Variants in GULP1 observed in about 807,000 individuals in gnomAD.
GULP1 encodes PTB domain-containing engulfment adapter protein 1.
In GULP1, 19 loss-of-function variants were observed where a neutral mutation model predicts 40.9. The observed-to-expected ratio is 0.46, with a 90% CI of 0.32 to 0.68. GULP1 has a LOEUF of 0.68. GULP1 is among the 30% of genes least tolerant of loss of function. The pLI is 0.03. For synonymous variants in GULP1, 119 were observed against 117.6 expected (o/e 1.01, Z -0.08); for missense variants, 312 against 362.2 (o/e 0.86, Z 1.12).
In GULP1 at chr2:188,536,037, T is replaced by C. The variant is rs192379682; in HGVS notation, c.262-5144T>C. On this transcript the variant is annotated intron_variant, in intron 6 of 11. Transcript: ENST00000409830. ...CATGTCTTTTGCCCACTTTTTAATATGGTTATTTGTTTTTTGTTGGTTTAA... is the reference window on the plus strand; with the variant it reads ...CATGTCTTTTGCCCACTTTTTAATACGGTTATTTGTTTTTTGTTGGTTTAA... Among the ~76,000 whole-genome samples, 7 of 151,954 alleles carry C rather than the reference T, an allele frequency of 4.6e-5. No individual in the cohort carries two copies. In the South Asian group the frequency reaches 1.2e-3, roughly 27 times the overall value.
intron 2 of GULP1, among the ~76,000 whole-genome samples, chr2:188,471,656 A>G (rs2060603457): frequency 6.6e-6 from 1 of 152,220 alleles, no homozygotes; most frequent in Non-Finnish European, 1.5e-5. Flanking sequence ...AAAATAAATG[A>G]AATAAAAACT....
chr2:188,307,631 G>A (rs1302449194), intron 1 of GULP1, among the ~76,000 whole-genome samples: 1 of 152,080 alleles, frequency 6.6e-6, no homozygotes, highest in Non-Finnish European at 1.5e-5. Flanking sequence ...GAATACTGGA[G>A]TTTAGTATAA....
At chr2:188,490,210 G>T (rs1460592853) in intron 4 of GULP1, among the ~76,000 whole-genome samples, 1 of 151,992 alleles carries the variant, frequency 6.6e-6, no homozygotes, top group Non-Finnish European at 1.5e-5. Context: ...TCTTGATAAG[G>T]TCATTCAAGA....
intron 2 of GULP1, among the ~76,000 whole-genome samples, chr2:188,410,980 A>C (rs778115774): frequency 2.6e-5 from 4 of 152,218 alleles, no homozygotes; most frequent in Non-Finnish European, 4.4e-5. Context: ...TCATGTGGTC[A>C]TAAGACCTAC....
At chr2:188,460,159 G>C (rs2059584304) in intron 2 of GULP1, among the ~76,000 whole-genome samples, 1 of 152,028 alleles carries the variant, frequency 6.6e-6, no homozygotes, top group Non-Finnish European at 1.5e-5. Context: ...TTTTAGGATA[G>C]TTGTTTTCTA....
intron 7 of GULP1, among the ~76,000 whole-genome samples, chr2:188,556,409 CT>C (rs1412006033): frequency 5.3e-5 from 8 of 152,088 alleles, no homozygotes; most frequent in South Asian, 2.1e-4. Context: ...ACATATCTAT[CT>C]CTTCAGTATT....
intron 1 of GULP1, among the ~76,000 whole-genome samples, chr2:188,364,801 A>T (rs2046550473): frequency 6.7e-6 from 1 of 149,480 alleles, no homozygotes; most frequent in African/African-American, 2.4e-5. Context: ...TACATATCAT[A>T]TATACATAAA....
At chr2:188,385,510 C>T (rs1444518482) in intron 2 of GULP1, among the ~76,000 whole-genome samples, 1 of 152,178 alleles carries the variant, frequency 6.6e-6, no homozygotes, top group Non-Finnish European at 1.5e-5. Flanking sequence ...TGATGATTAA[C>T]ATTTGGCTCC....
chr2:188,556,752 G>A (rs1011686738), intron 7 of GULP1, among the ~76,000 whole-genome samples: 7 of 152,090 alleles, frequency 4.6e-5, no homozygotes, highest in African/African-American at 1.4e-4. Flanking sequence ...CTACTACCAC[G>A]TTGCTGGGCA....
At chr2:188,329,990 G>A (rs188420461) in intron 1 of GULP1, among the ~76,000 whole-genome samples, 230 of 152,192 alleles carry the variant, frequency 1.5e-3, no homozygotes, top group African/African-American at 3.6e-3. Context: ...TTTGAGATGC[G>A]CCAAAGTAGT....
chr2:188,531,202 G>A (rs947724293), intron 6 of GULP1, among the ~76,000 whole-genome samples: 1 of 152,152 alleles, frequency 6.6e-6, no homozygotes, highest in African/African-American at 2.4e-5. Context: ...TGCAATTAAA[G>A]AAGAAACCTA....
intron 11 of GULP1, chr2:188,591,908 C>T (rs1703637649): frequency 1.3e-5 from 2 of 151,764 alleles, no homozygotes; most frequent in South Asian, 4.2e-4. Flanking sequence ...GTGACGTTAG[C>T]TTATGATAAT....
Position 188,518,711 on chromosome 2 carries a change from C to G in GULP1, c.91-4045C>G, listed in dbSNP as rs150078697. ...ACTGAGCAGGCACCAGTTGTGTCCA[C>G]TAAACCCTAGTATCTTCCCCTAACA... On this transcript the variant is annotated intron_variant, in intron 4 of 11. Coordinates refer to ENST00000409830, the MANE Select transcript of GULP1 (RefSeq NM_016315.4). Among the ~76,000 whole-genome samples the G allele has an allele frequency of 6.7e-4, 102 of 152,248 alleles. 1 individual carries two copies. The highest frequency in any genetic ancestry group is 4.4e-3 in the South Asian group (21 of 4,820).
intron 9 of GULP1, among the ~76,000 whole-genome samples, chr2:188,575,125 G>A (rs1699911398): frequency 6.6e-6 from 1 of 152,102 alleles, no homozygotes; most frequent in African/African-American, 2.4e-5. Flanking sequence ...GTTCCCTCAA[G>A]GTTTTATGGT....
At chr2:188,519,439 G>A (rs557729977) in intron 4 of GULP1, among the ~76,000 whole-genome samples, 2 of 152,038 alleles carry the variant, frequency 1.3e-5, no homozygotes, top group African/African-American at 4.8e-5. Flanking sequence ...GTCTATTACT[G>A]ATAGACCAGA....
intron 1 of GULP1, among the ~76,000 whole-genome samples, chr2:188,340,443 G>T (rs1175735195): frequency 6.6e-6 from 1 of 152,156 alleles, no homozygotes; most frequent in Non-Finnish European, 1.5e-5. Context: ...ATGAGTGGGT[G>T]CAGGAGTTGG....
intron 9 of GULP1, among the ~76,000 whole-genome samples, chr2:188,582,849 A>C (rs1185167630): frequency 6.6e-6 from 1 of 152,202 alleles, no homozygotes; most frequent in Non-Finnish European, 1.5e-5. Context: ...CAATTTCAGC[A>C]GAGTTCAGTG....
chr2:188,594,107 A>G lies in GULP1; in HGVS notation c.*96A>G. On this transcript the variant is annotated 3_prime_UTR_variant, in exon 12 of 12. Coordinates refer to ENST00000409830, the MANE Select transcript of GULP1 (RefSeq NM_016315.4). ...TAAGATAGGTATTATTCATGTGTCA[A>G]TGTTTTTGAATATTTTAATATTTTG... 3 of 646,280 alleles carry G rather than the reference A, an allele frequency of 4.6e-6. No individual in the cohort carries two copies. The highest frequency in any genetic ancestry group is 2.8e-5 in the East Asian group (1 of 36,112). 40.0% of individuals were successfully genotyped at this position (646,280 alleles called of 1,614,324 possible).
intron 9 of GULP1, among the ~76,000 whole-genome samples, chr2:188,580,037 C>T (rs1368148847): frequency 6.6e-6 from 1 of 152,070 alleles, no homozygotes; most frequent in African/African-American, 2.4e-5. Context: ...TAAAAAGATG[C>T]TCTGGTATAA....
Sources: gnomAD v4.1 joint callset for allele counts (sites outside exome capture counted in the v4.1 genomes callset) on GRCh38, gnomAD v4.1.1 for gene constraint, MANE v1.5 for transcripts, NCBI Gene and HGNC (gene_info 2026-07-23, HGNC 2026-07-21) for gene names.